The following FAF1 variants were observed in gnomAD, a reference collection of about 807,000 sequenced individuals.
FAF1 encodes FAS-associated factor 1.
FAF1 carries 25 observed loss-of-function variants against 92.5 expected under a neutral mutation model. The observed-to-expected ratio is 0.27, with a 90% confidence interval of 0.20 to 0.38. FAF1 has a LOEUF of 0.38. Ranked by LOEUF, FAF1 falls within the 10% of genes least tolerant of loss-of-function variation. The pLI, the probability that FAF1 is intolerant of heterozygous loss-of-function variation, is 1.00. For missense variants in FAF1, 636 were observed against 793.3 expected (o/e 0.80, Z 2.38); for synonymous variants, 234 against 273.2 (o/e 0.86, Z 1.42).
At chr1:50,590,733 G>A (rs922054169) in intron 9 of FAF1, among the ~76,000 whole-genome samples, 1 of 152,196 alleles carries the variant, frequency 6.6e-6, no homozygotes. Context: ...TGTAATCCCA[G>A]CACTTTGGGA....
chr1:50,664,052 T>C (rs1244547859), intron 7 of FAF1, among the ~76,000 whole-genome samples: 2 of 149,178 alleles, frequency 1.3e-5, no homozygotes, highest in East Asian at 3.9e-4. Context: ...GGCTGGAGTG[T>C]AGTGACGCGA....
intron 13 of FAF1, among the ~76,000 whole-genome samples, chr1:50,556,830 C>T (rs1377443713): frequency 6.7e-6 from 1 of 149,666 alleles, no homozygotes; most frequent in Non-Finnish European, 1.5e-5. Flanking sequence ...GAGCAAGACC[C>T]CTGTCTCAAA....
At chr1:50,491,823 A>G in intron 15 of FAF1, 22 bp from the exon 16 acceptor site, 1 of 1,563,550 alleles carries the variant, frequency 6.4e-7, no homozygotes, top group South Asian at 1.2e-5. Flanking sequence ...AGATTCAAAT[A>G]TTTTTTGACA....
At chr1:50,906,032 A>C (rs1211847949) in intron 1 of FAF1, among the ~76,000 whole-genome samples, 1 of 152,204 alleles carries the variant, frequency 6.6e-6, no homozygotes, top group Non-Finnish European at 1.5e-5. Context: ...TGAGTCTTTA[A>C]TCCACCTTGA....
intron 4 of FAF1, among the ~76,000 whole-genome samples, chr1:50,769,061 GAGAA>G (rs1660684133): frequency 6.6e-6 from 1 of 151,020 alleles, no homozygotes; most frequent in Non-Finnish European, 1.5e-5. Flanking sequence ...AAAAACAGGA[GAGAA>G]AGAGAGAGAG....
intron 18 of FAF1, among the ~76,000 whole-genome samples, chr1:50,465,064 C>T (rs1646478022): frequency 6.6e-6 from 1 of 152,180 alleles, no homozygotes; most frequent in African/African-American, 2.4e-5. Flanking sequence ...GTCTTCATTC[C>T]ATGTTAATTC....
intron 1 of FAF1, among the ~76,000 whole-genome samples, chr1:50,882,646 A>G (rs183729084): frequency 2.6e-4 from 37 of 144,704 alleles, no homozygotes; most frequent in Admixed American, 5.6e-4. Flanking sequence ...ATAAATAAAT[A>G]AATGTGTATG....
intron 2 of FAF1, among the ~76,000 whole-genome samples, chr1:50,850,058 G>A (rs1388254159): frequency 1.3e-5 from 2 of 151,836 alleles, no homozygotes; most frequent in African/African-American, 2.4e-5. Flanking sequence ...GGAATAAAAG[G>A]GATAAAACTT....
At chr1:50,927,807 G>A (rs1645017958) in intron 1 of FAF1, among the ~76,000 whole-genome samples, 1 of 152,036 alleles carries the variant, frequency 6.6e-6, no homozygotes, top group Non-Finnish European at 1.5e-5. Flanking sequence ...CTCTCTTCTT[G>A]GCTTGTTGAT....
intron 15 of FAF1, among the ~76,000 whole-genome samples, chr1:50,520,668 G>A (rs1647452653): frequency 6.6e-6 from 1 of 152,096 alleles, no homozygotes; most frequent in Non-Finnish European, 1.5e-5. Flanking sequence ...GCAACATGAT[G>A]AAACCCCAAC....
At chr1:50,860,807 CA>C (rs1306398550) in intron 1 of FAF1, among the ~76,000 whole-genome samples, 1 of 151,834 alleles carries the variant, frequency 6.6e-6, no homozygotes, top group Non-Finnish European at 1.5e-5. Flanking sequence ...GCACTATTCA[CA>C]ATAGCAAAGA....
intron 6 of FAF1, among the ~76,000 whole-genome samples, chr1:50,725,451 G>T (rs1333716150): frequency 6.6e-6 from 1 of 152,042 alleles, no homozygotes; most frequent in East Asian, 1.9e-4. Flanking sequence ...AAAACAAAAA[G>T]ACATTTAAAA....
chr1:50,587,252 A>G (rs1651280144), intron 9 of FAF1, among the ~76,000 whole-genome samples: 1 of 152,200 alleles, frequency 6.6e-6, no homozygotes, highest in East Asian at 1.9e-4. Context: ...ATGTGTCTCC[A>G]TTATTCGTTT....
intron 7 of FAF1, among the ~76,000 whole-genome samples, chr1:50,688,331 A>C (rs529363387): frequency 2.0e-5 from 3 of 152,206 alleles, no homozygotes; most frequent in South Asian, 4.1e-4. Flanking sequence ...CAGCAATCCC[A>C]TTTCTTGGGT....
At position 50,521,111 on chromosome 1, in the gene FAF1, T is replaced by C. The variant is rs539890751; in HGVS notation, c.1494+14258A>G. 2.3e-4 allele frequency among the ~76,000 whole-genome samples: 35 copies of C among 152,342 alleles called. 2 individuals carry two copies. In the South Asian group the frequency reaches 7.0e-3, roughly 31 times the overall value. ...GATGTTCTGAACTATATATACATTG[T>C]AGAATGGCTATATTGAGCTAAGTAA... is the stretch of plus-strand genomic sequence containing the variant. On this transcript the variant is annotated intron_variant, in intron 15 of 18. Coordinates refer to ENST00000396153, the MANE Select transcript of FAF1 (RefSeq NM_007051.3).
At chr1:50,822,150 G>GA (rs1229231671) in intron 2 of FAF1, among the ~76,000 whole-genome samples, 1 of 150,798 alleles carries the variant, frequency 6.6e-6, no homozygotes, top group Non-Finnish European at 1.5e-5. Flanking sequence ...TTTTCCAGGA[G>GA]AAAAAAAGAA....
intron 6 of FAF1, among the ~76,000 whole-genome samples, chr1:50,720,318 T>C (rs1389845150): frequency 6.6e-6 from 1 of 152,156 alleles, no homozygotes; most frequent in Non-Finnish European, 1.5e-5. Context: ...CCCAGTACTT[T>C]CAAATTTCAC....
intron 6 of FAF1, among the ~76,000 whole-genome samples, chr1:50,729,050 A>T (rs1384055632): frequency 2.1e-4 from 20 of 95,840 alleles, no homozygotes; most frequent in African/African-American, 8.4e-4. Context: ...ATATATATAT[A>T]TATATATATT....
At chr1:50,536,098 A>C (rs962338123) in intron 14 of FAF1, among the ~76,000 whole-genome samples, 1 of 152,286 alleles carries the variant, frequency 6.6e-6, no homozygotes, top group East Asian at 1.9e-4. Flanking sequence ...ATAGTAATTC[A>C]ATTTCTGAAA....
Sources: allele counts gnomAD v4.1 joint callset (sites outside exome capture counted in the v4.1 genomes callset), GRCh38; gene constraint gnomAD v4.1.1; transcripts MANE v1.5; gene names NCBI Gene and HGNC (gene_info 2026-07-23, HGNC 2026-07-21).